The following INPP5D variants were observed in gnomAD, a reference collection of about 807,000 sequenced individuals.
The protein encoded by INPP5D is inositol polyphosphate-5-phosphatase D.
INPP5D carries 33 observed loss-of-function variants against 122.9 expected under a neutral mutation model. That is an observed-to-expected ratio of 0.27 (90% CI 0.20 to 0.36). The LOEUF (loss-of-function observed/expected upper bound fraction) is 0.36. INPP5D is among the 10% of genes least tolerant of loss of function. The probability of loss-of-function intolerance (pLI) is 1.00; values close to 1 mark genes in which losing one functional copy is unlikely to be tolerated. For missense variants in INPP5D, 1,053 were observed against 1,412.7 expected (o/e 0.75, Z 4.08); for synonymous variants, 584 against 576.2 (o/e 1.01, Z -0.19).
At chr2:233,069,639 A>G (rs1691323238) in intron 1 of INPP5D, among the ~76,000 whole-genome samples, 1 of 152,192 alleles carries the variant, frequency 6.6e-6, no homozygotes, top group Non-Finnish European at 1.5e-5. Flanking sequence ...TTCTAGCAGC[A>G]TTAGCATTTT....
chr2:233,164,495 T>G lies in INPP5D; in HGVS notation c.1555+71T>G, dbSNP rs1330156933. On this transcript the variant is annotated intron_variant, in intron 13 of 26. Coordinates refer to ENST00000445964, the MANE Select transcript of INPP5D (RefSeq NM_001017915.3). The surrounding 1 kb of genome is among the most constrained non-coding windows in gnomAD (Gnocchi z 4.3). ...AACTCTCGCGACCACATCATCCTGA[T>G]CCCACCAGTAGTTCCCCGGGTTAAA... The G allele has an allele frequency of 1.4e-6, 2 of 1,455,790 alleles. No homozygotes were observed. The highest frequency in any genetic ancestry group is 1.8e-6 in the Non-Finnish European group (2 of 1,091,840). The allele number at this position is 1,455,790 out of a possible 1,614,324, so 90.2% of individuals were successfully genotyped here. A position where few individuals can be genotyped will look rare whatever the true frequency, so the allele number is the denominator to read the frequency against.
At chr2:233,103,668 C>T (rs1234097156) in intron 2 of INPP5D, among the ~76,000 whole-genome samples, 1 of 151,884 alleles carries the variant, frequency 6.6e-6, no homozygotes, top group Non-Finnish European at 1.5e-5. Flanking sequence ...GGGTGATCTG[C>T]CCAGTGCTAG....
chr2:233,207,206 G>C lies in INPP5D; in HGVS notation c.*498G>C. On this transcript the variant is annotated 3_prime_UTR_variant, in exon 27 of 27. Coordinates refer to ENST00000445964, the MANE Select transcript of INPP5D (RefSeq NM_001017915.3). The surrounding 1 kb of genome is among the most constrained non-coding windows in gnomAD (Gnocchi z 4.6). ...GTGCCCAAACCCACCAGTTTAAAAC[G>C]GTGTGTGTTCGGAGGGGTGAAAGCA... 1 of 154,410 alleles carries C rather than the reference G, an allele frequency of 6.5e-6. No individual in the cohort carries two copies. The allele number at this position is 154,410 out of a possible 1,614,324, so 9.6% of individuals were successfully genotyped here.
intron 18 of INPP5D, among the ~76,000 whole-genome samples, chr2:233,178,731 G>A (rs1269148487): frequency 6.6e-6 from 1 of 152,126 alleles, no homozygotes; most frequent in African/African-American, 2.4e-5. Context: ...TGATCCACCC[G>A]CCTCAGCCTC....
At chr2:233,196,505 G>T (rs989999484) in intron 24 of INPP5D, among the ~76,000 whole-genome samples, 3 of 152,150 alleles carry the variant, frequency 2.0e-5, no homozygotes, top group African/African-American at 7.2e-5. Context: ...TGTCTCCTGT[G>T]GGACAGAGGA....
chr2:233,171,126 G>T lies in INPP5D; in HGVS notation c.1963G>T (p.Ala655Ser). The change falls in exon 17 of 27, where the codon GCC becomes TCC. Residue 655 changes from alanine to serine, a missense_variant. Physicochemically the swap from Ala to Ser is moderately conservative, Grantham distance 99. Coordinates refer to ENST00000445964, the MANE Select transcript of INPP5D (RefSeq NM_001017915.3). ...RFERLTRDKY[A>S]YTKQKATGMK... ...TGAGAGACTGACTCGGGACAAATAC[G>T]CCTACACCAAGCAGAAAGCGACAGG... 1 of 1,613,576 alleles carries T rather than the reference G, an allele frequency of 6.2e-7. No individual in the cohort carries two copies. Among genetic ancestry groups the T allele is most frequent in the Non-Finnish European group, 8.5e-7 (1 of 1,179,804 alleles).
At chr2:233,084,729 T>C (rs1188695946) in intron 2 of INPP5D, among the ~76,000 whole-genome samples, 4 of 152,202 alleles carry the variant, frequency 2.6e-5, no homozygotes, top group Non-Finnish European at 5.9e-5. Flanking sequence ...AGGATGTGGC[T>C]CTAACACACT....
At chr2:233,131,427 T>C (rs1032459377) in intron 5 of INPP5D, among the ~76,000 whole-genome samples, 2 of 151,900 alleles carry the variant, frequency 1.3e-5, no homozygotes, top group African/African-American at 4.8e-5. Context: ...CCGGGTGTGG[T>C]GGCTCACGCC....
intron 1 of INPP5D, among the ~76,000 whole-genome samples, chr2:233,074,494 A>G (rs1691464567): frequency 6.6e-6 from 1 of 152,178 alleles, no homozygotes; most frequent in African/African-American, 2.4e-5. Flanking sequence ...CTTTTCATTC[A>G]TCAACTTTAG....
intron 13 of INPP5D, among the ~76,000 whole-genome samples, chr2:233,166,852 T>C (rs1386290882): frequency 6.6e-6 from 1 of 151,872 alleles, no homozygotes; most frequent in East Asian, 1.9e-4. Flanking sequence ...GATGTGGTGG[T>C]GCGCACCTGT....
chr2:233,151,623 AT>A, intron 9 of INPP5D, among the ~76,000 whole-genome samples: 1 of 152,308 alleles, frequency 6.6e-6, no homozygotes, highest in Non-Finnish European at 1.5e-5. Flanking sequence ...GGGATTGCCA[AT>A]TGCCTGAGGC....
Position 233,197,928 on chromosome 2 carries a change from T to C in INPP5D, c.2694-167T>C, listed in dbSNP as rs1225460437. On this transcript the variant is annotated intron_variant, in intron 24 of 26. Transcript: ENST00000445964. This position sits in a 1 kb window ranked among gnomAD's most constrained non-coding sequence, Gnocchi z 4.4. ...CTTACGAGGCCCTCAGTAATCACGG[T>C]GTTGCATGGATAGATGAATGAATGA... is the stretch of plus-strand genomic sequence containing the variant. Among the ~76,000 whole-genome samples, 2 of 151,670 alleles carry C rather than the reference T, an allele frequency of 1.3e-5. No homozygotes were observed. The highest frequency in any genetic ancestry group is 2.9e-5 in the Non-Finnish European group (2 of 67,912).
In INPP5D at chr2:233,164,092, A is replaced by G. The variant is rs11673739; in HGVS notation, c.1437+189A>G. On this transcript the variant is annotated intron_variant, in intron 12 of 26. Transcript: ENST00000445964. The surrounding 1 kb of genome is among the most constrained non-coding windows in gnomAD (Gnocchi z 4.3). Reference sequence around the variant, plus strand: ...TGTGGGGTATTGCTGAAAACCACTGAGTCCTCTATCTTCCCACCCTTGGTC... The same window carrying G: ...TGTGGGGTATTGCTGAAAACCACTGGGTCCTCTATCTTCCCACCCTTGGTC... Among the ~76,000 whole-genome samples the G allele has an allele frequency of 0.23, 35,274 of 151,880 alleles. 4,309 individuals carry two copies. The highest frequency in any genetic ancestry group is 0.42 in the East Asian group (2,132 of 5,126).
intron 24 of INPP5D, among the ~76,000 whole-genome samples, chr2:233,196,570 A>C (rs114782714): frequency 1.1e-4 from 17 of 152,330 alleles, no homozygotes; most frequent in Middle Eastern, 3.4e-3. Flanking sequence ...CACTAGCAAG[A>C]AAAATCACTG....
chr2:233,203,512 C>T (rs543588538), intron 25 of INPP5D, among the ~76,000 whole-genome samples: 73 of 152,296 alleles, frequency 4.8e-4, no homozygotes, highest in South Asian at 2.9e-3. Context: ...TTGAGGACAA[C>T]GTATGATGAA....
intron 2 of INPP5D, among the ~76,000 whole-genome samples, chr2:233,110,659 C>T (rs147731523): frequency 0.017 from 2,599 of 152,224 alleles, 60 homozygotes; most frequent in African/African-American, 0.055. Flanking sequence ...CAGTGGCTGA[C>T]GCCTGTAATC....
At chr2:233,203,940 C>A (rs1369474904) in intron 25 of INPP5D, among the ~76,000 whole-genome samples, 186 bp from the exon 26 acceptor site, 1 of 152,176 alleles carries the variant, frequency 6.6e-6, no homozygotes, top group African/African-American at 2.4e-5. Context: ...GAGCGAGACT[C>A]TGTCTCTAAA....
At position 233,163,734 on chromosome 2, in the gene INPP5D, C is replaced by T. The variant is rs756810751; in HGVS notation, c.1268C>T (p.Thr423Met). The T allele has an allele frequency of 1.5e-5, 25 of 1,613,824 alleles. No homozygotes were observed. The highest frequency in any genetic ancestry group is 5.0e-5 in the Admixed American group (3 of 59,992). Residue 423 changes from threonine (T) to methionine (M), a missense_variant, in exon 12 of 27, where the codon ACG becomes ATG. Physicochemically the swap from Thr to Met is moderately conservative, Grantham distance 81. This residue lies in a region of INPP5D where 105 missense variants were observed against 199.8 expected (regional missense o/e 0.53). Transcript: ENST00000445964. ...MGNAPPPKKI[T>M]SWFLSKGQGK... ...AACGCCCCCCCTCCCAAGAAGATCA[C>T]GTCCTGGTTTCTCTCCAAGGGGCAG...
intron 5 of INPP5D, among the ~76,000 whole-genome samples, chr2:233,133,548 T>G (rs1474576901): frequency 6.6e-6 from 1 of 152,144 alleles, no homozygotes; most frequent in African/African-American, 2.4e-5. Context: ...AGGTGGAATT[T>G]TAGGTGAACA....
Sources: allele counts gnomAD v4.1 joint callset (sites outside exome capture counted in the v4.1 genomes callset), GRCh38; gene constraint gnomAD v4.1.1; regional missense constraint gnomAD v4.1.1; non-coding constraint Gnocchi (gnomAD v3.1); transcripts MANE v1.5; gene names NCBI Gene and HGNC (gene_info 2026-07-23, HGNC 2026-07-21).